Variants in EEF2K observed in about 807,000 individuals in gnomAD.
EEF2K encodes eukaryotic elongation factor 2 kinase.
A neutral mutation model predicts 93.8 loss-of-function variants in EEF2K; 70 were observed. The observed-to-expected ratio is 0.75, with a 90% CI of 0.62 to 0.91. The LOEUF (loss-of-function observed/expected upper bound fraction) is 0.91, where lower values mean the gene tolerates loss of function less well. EEF2K is among the 40% of genes least tolerant of loss of function. The pLI is 0.00. For missense variants in EEF2K, 935 were observed against 972.9 expected (o/e 0.96, Z 0.52); for synonymous variants, 376 against 380.8 (o/e 0.99, Z 0.15).
intron 1 of EEF2K, among the ~76,000 whole-genome samples, chr16:22,209,293 T>C (rs947859468): frequency 6.6e-6 from 1 of 152,180 alleles, no homozygotes; most frequent in Non-Finnish European, 1.5e-5. Flanking sequence ...CCCAAAGTGC[T>C]GGGATTACAG....
At chr16:22,212,583 G>C (rs1324930915) in intron 1 of EEF2K, among the ~76,000 whole-genome samples, 2 of 152,066 alleles carry the variant, frequency 1.3e-5, no homozygotes, top group African/African-American at 4.8e-5. Context: ...GCCTCCCAAA[G>C]TGCTGGGATT....
intron 16 of EEF2K, among the ~76,000 whole-genome samples, chr16:22,276,383 A>G (rs775602683): frequency 1.3e-5 from 2 of 152,086 alleles, no homozygotes; most frequent in Non-Finnish European, 2.9e-5. Context: ...GTTAAAATCT[A>G]TCAAAAGTAT....
chr16:22,207,241 C>G (rs531937400), intron 1 of EEF2K, among the ~76,000 whole-genome samples: 9 of 152,302 alleles, frequency 5.9e-5, no homozygotes, highest in Admixed American at 1.3e-4. Flanking sequence ...CGGGTAAGCC[C>G]CGGCCTAGAT....
At chr16:22,242,613 C>T (rs2047234637) in intron 2 of EEF2K, among the ~76,000 whole-genome samples, 1 of 151,780 alleles carries the variant, frequency 6.6e-6, no homozygotes, top group South Asian at 2.1e-4. Flanking sequence ...TGCCTGGCTA[C>T]TCTCAATAGG....
At chr16:22,259,789 G>C (rs372425434) in intron 10 of EEF2K, among the ~76,000 whole-genome samples, 4 of 151,970 alleles carry the variant, frequency 2.6e-5, no homozygotes, top group Admixed American at 6.6e-5. Flanking sequence ...CTCTCTCTCT[G>C]TCACCCCGGC....
At chr16:22,260,676 A>G in intron 11 of EEF2K, 147 bp downstream of exon 11, 1 of 935,522 alleles carries the variant, frequency 1.1e-6, no homozygotes. Context: ...ATTAGGGAGG[A>G]TGCAGATGAA....
chr16:22,280,644 G>C (rs2047684078), intron 17 of EEF2K, among the ~76,000 whole-genome samples: 1 of 150,302 alleles, frequency 6.7e-6, no homozygotes. Context: ...TAGTAGGGGG[G>C]TTTTCCTTTC....
chr16:22,284,274 T>TTTTG lies in EEF2K; in HGVS notation c.*298_*301dup, dbSNP rs796611452. ...AACATACCGTTTTGTGTGTGGTTTTTTTTGTTTGTTTGTTTGTTTGTTTTG... is the reference window on the plus strand; with the variant it reads ...AACATACCGTTTTGTGTGTGGTTTTTTTTGTTTGTTTGTTTGTTTGTTTGTTTTG... On this transcript the variant is annotated 3_prime_UTR_variant, in exon 18 of 18. Transcript: ENST00000263026. The TTTTG allele has an allele frequency of 2.5e-4, 92 of 372,788 alleles. No homozygotes were observed. Among genetic ancestry groups the TTTTG allele is most frequent in the Non-Finnish European group, 1.7e-4 (35 of 200,868 alleles). The allele number at this position is 372,788 out of a possible 1,614,324, so 23.1% of individuals were successfully genotyped here.
At chr16:22,269,702 A>G (rs969646732) in intron 15 of EEF2K, among the ~76,000 whole-genome samples, 1 of 152,074 alleles carries the variant, frequency 6.6e-6, no homozygotes, top group African/African-American at 2.4e-5. Context: ...GTGCCCAGCC[A>G]GTATAACTAA....
chr16:22,244,821 T>C (rs567224940), intron 3 of EEF2K, 91 bp downstream of exon 3: 1 of 1,346,976 alleles, frequency 7.4e-7, no homozygotes, highest in Non-Finnish European at 1.0e-6. Context: ...CTCTTGGGGG[T>C]CAGGGGAAGG....
intron 1 of EEF2K, among the ~76,000 whole-genome samples, chr16:22,218,376 G>A (rs2046978734): frequency 6.6e-6 from 1 of 152,222 alleles, no homozygotes; most frequent in South Asian, 2.1e-4. Flanking sequence ...TTGGCTTTGG[G>A]ATGCTGGTTC....
At chr16:22,230,219 CT>C (rs574550569) in intron 2 of EEF2K, among the ~76,000 whole-genome samples, 25 of 147,664 alleles carry the variant, frequency 1.7e-4, no homozygotes, top group South Asian at 8.6e-4. Context: ...TTCTTTCCTT[CT>C]TTTTTTTTTT....
intron 16 of EEF2K, 147 bp downstream of exon 16, chr16:22,273,897 G>T: frequency 8.2e-7 from 1 of 1,217,384 alleles, no homozygotes; most frequent in Admixed American, 2.9e-5. Context: ...TACCTCCCTG[G>T]CCTCAGTTTC....
At chr16:22,219,052 G>C (rs982137186) in intron 1 of EEF2K, among the ~76,000 whole-genome samples, 2 of 151,932 alleles carry the variant, frequency 1.3e-5, no homozygotes, top group Non-Finnish European at 2.9e-5. Flanking sequence ...CTTTCAGCTG[G>C]AGTCCTATTC....
At chr16:22,240,359 T>C (rs574922056) in intron 2 of EEF2K, among the ~76,000 whole-genome samples, 2 of 152,302 alleles carry the variant, frequency 1.3e-5, no homozygotes, top group Admixed American at 1.3e-4. Flanking sequence ...CCAAAAGAAT[T>C]TTAGTGATTT....
At chr16:22,219,338 T>C (rs541958779) in intron 1 of EEF2K, among the ~76,000 whole-genome samples, 1 of 152,290 alleles carries the variant, frequency 6.6e-6, no homozygotes, top group South Asian at 2.1e-4. Context: ...TCATAAAGGT[T>C]GTGACCTTTA....
At chr16:22,207,183 G>C (rs939912204) in intron 1 of EEF2K, among the ~76,000 whole-genome samples, 5 of 152,230 alleles carry the variant, frequency 3.3e-5, no homozygotes, top group East Asian at 1.9e-4. Context: ...TGTGTGCCAA[G>C]GGGCTGGGCA....
At chr16:22,212,125 T>C (rs1241230268) in intron 1 of EEF2K, among the ~76,000 whole-genome samples, 2 of 152,208 alleles carry the variant, frequency 1.3e-5, no homozygotes, top group African/African-American at 2.4e-5. Context: ...TATAATTATA[T>C]TTTGTGTTTC....
chr16:22,210,910 A>G (rs1173552001), intron 1 of EEF2K, among the ~76,000 whole-genome samples: 1 of 152,186 alleles, frequency 6.6e-6, no homozygotes, highest in African/African-American at 2.4e-5. Flanking sequence ...TGATACTGAA[A>G]TGCTACCAAT....
Sources: allele counts gnomAD v4.1 joint callset (sites outside exome capture counted in the v4.1 genomes callset), GRCh38; gene constraint gnomAD v4.1.1; transcripts MANE v1.5; gene names NCBI Gene and HGNC (gene_info 2026-07-23, HGNC 2026-07-21).